Variants in TTC27 observed in about 807,000 individuals in gnomAD.
TTC27 encodes the protein tetratricopeptide repeat domain 27.
Under a neutral mutation model 115.9 loss-of-function variants are expected in TTC27, and 79 were observed. The observed-to-expected ratio is 0.68, with a 90% CI of 0.57 to 0.82. TTC27 has a LOEUF of 0.82. TTC27 is among the 40% of genes least tolerant of loss of function. TTC27 has a pLI of 0.00. For missense variants in TTC27, 1,054 were observed against 993.1 expected (o/e 1.06, Z -0.82); for synonymous variants, 401 against 356.0 (o/e 1.13, Z -1.42).
intron 16 of TTC27, among the ~76,000 whole-genome samples, chr2:32,797,132 C>T (rs1464118765): frequency 6.8e-6 from 1 of 148,120 alleles, no homozygotes; most frequent in African/African-American, 2.5e-5. Flanking sequence ...CGAGATTGTG[C>T]CACTGCATTC....
rs555550120 is a variant in TTC27, at chr2:32,766,899, C to T, written c.1680+8380C>T. Among the ~76,000 whole-genome samples, 159 of 152,258 alleles carry T rather than the reference C, an allele frequency of 1.0e-3. 1 individual carries two copies. In the South Asian group the frequency reaches 0.018, roughly 17 times the overall value. ...CTCCCGGGTTCAAGCAATCCTGCTG[C>T]GTCAGCCACCTGAGAAGCTGGGACT... On this transcript the variant is annotated intron_variant, in intron 13 of 19. Transcript: ENST00000317907.
intron 12 of TTC27, among the ~76,000 whole-genome samples, chr2:32,752,205 G>A (rs76810765): frequency 1.3e-5 from 2 of 152,094 alleles, no homozygotes; most frequent in African/African-American, 2.4e-5. Context: ...CAGCTTACAC[G>A]GAACATCTAC....
chr2:32,728,439 A>T (rs1668184470), intron 10 of TTC27, among the ~76,000 whole-genome samples: 1 of 151,294 alleles, frequency 6.6e-6, no homozygotes, highest in East Asian at 2.0e-4. Context: ...CTACCAACCC[A>T]TACCCTAAAG....
intron 9 of TTC27, among the ~76,000 whole-genome samples, chr2:32,690,793 A>G (rs1238181802): frequency 4.6e-5 from 7 of 152,228 alleles, no homozygotes; most frequent in African/African-American, 1.4e-4. Context: ...TTGGAATTTT[A>G]AACTTACTGT....
intron 9 of TTC27, among the ~76,000 whole-genome samples, chr2:32,697,107 A>C (rs1213649440): frequency 1.3e-5 from 2 of 151,812 alleles, no homozygotes; most frequent in African/African-American, 4.8e-5. Flanking sequence ...CAGGAGAATC[A>C]CTTGAGCCTG....
intron 9 of TTC27, among the ~76,000 whole-genome samples, chr2:32,695,952 TAAAC>T (rs1212323380): frequency 6.7e-5 from 10 of 149,572 alleles, no homozygotes; most frequent in Admixed American, 2.0e-4. Context: ...TAAAAATAAA[TAAAC>T]AAATAAAAAT....
At chr2:32,799,689 T>A (rs1307404594) in intron 16 of TTC27, among the ~76,000 whole-genome samples, 2 of 152,092 alleles carry the variant, frequency 1.3e-5, no homozygotes, top group African/African-American at 4.8e-5. Context: ...GCTAATAATA[T>A]CCTTATTATA....
intron 9 of TTC27, among the ~76,000 whole-genome samples, chr2:32,690,260 A>G (rs1016803233): frequency 2.6e-5 from 4 of 152,154 alleles, no homozygotes; most frequent in Admixed American, 6.6e-5. Flanking sequence ...CCTATATGAA[A>G]ATTTGCATAG....
chr2:32,730,091 A>C (rs147706387), intron 10 of TTC27, among the ~76,000 whole-genome samples: 39 of 152,328 alleles, frequency 2.6e-4, no homozygotes, highest in African/African-American at 6.0e-4. Context: ...CTTCACGTGC[A>C]TTCAGTCCCA....
At chr2:32,649,687 A>T (rs186852402) in intron 4 of TTC27, among the ~76,000 whole-genome samples, 1 of 152,064 alleles carries the variant, frequency 6.6e-6, no homozygotes, top group East Asian at 1.9e-4. Context: ...CTGGGACTAC[A>T]GGCGCCTGCC....
At chr2:32,675,622 A>G (rs1666168856) in intron 8 of TTC27, among the ~76,000 whole-genome samples, 1 of 152,140 alleles carries the variant, frequency 6.6e-6, no homozygotes, top group African/African-American at 2.4e-5. Flanking sequence ...TAATGAATTT[A>G]TGATTTGCAT....
intron 13 of TTC27, among the ~76,000 whole-genome samples, chr2:32,762,934 T>G (rs1444390764): frequency 6.6e-6 from 1 of 152,132 alleles, no homozygotes; most frequent in Non-Finnish European, 1.5e-5. Context: ...GCCACCGCGC[T>G]CAGCCCAATA....
At position 32,734,012 on chromosome 2, in the gene TTC27, G is replaced by T. The variant is rs1028681501; in HGVS notation, c.1329+89G>T. On this transcript the variant is annotated intron_variant, in intron 11 of 19. Transcript: ENST00000317907. ...AAATTGATGATTTTAATTTATGTTT[G>T]AATTTTCAAATATTTTGCTAAAGAT... 3 of 887,146 alleles carry T rather than the reference G, an allele frequency of 3.4e-6. No individual in the cohort carries two copies. In the African/African-American group the frequency reaches 5.1e-5, roughly 15 times the overall value. 55.0% of individuals were successfully genotyped at this position (887,146 alleles called of 1,614,324 possible). A position where few individuals can be genotyped will look rare whatever the true frequency, so the allele number is the denominator to read the frequency against.
chr2:32,818,062 A>T (rs1671566234), intron 19 of TTC27, among the ~76,000 whole-genome samples: 1 of 152,098 alleles, frequency 6.6e-6, no homozygotes, highest in Non-Finnish European at 1.5e-5. Flanking sequence ...ATGTCCCAAA[A>T]AAAAAAAAAG....
chr2:32,728,024 G>A (rs1668165423), intron 10 of TTC27, among the ~76,000 whole-genome samples: 1 of 149,424 alleles, frequency 6.7e-6, no homozygotes, highest in Non-Finnish European at 1.5e-5. Context: ...TGGGCCTCCT[G>A]AGAGGACTGC....
intron 6 of TTC27, 89 bp from the exon 7 acceptor site, chr2:32,666,546 C>A: frequency 7.2e-7 from 1 of 1,381,574 alleles, no homozygotes; most frequent in Non-Finnish European, 9.7e-7. Flanking sequence ...ACCTTGTAAA[C>A]TCTAAAGCAC....
rs1422139396 is a variant in TTC27, at chr2:32,811,197, T to A, written c.2172T>A (p.Ser724Arg). The A allele has an allele frequency of 1.2e-6, 2 of 1,613,764 alleles. No homozygotes were observed. The highest frequency in any genetic ancestry group is 1.7e-6 in the Non-Finnish European group (2 of 1,179,862). Residue 724 changes from serine (S) to arginine (R), a missense_variant, in exon 17 of 20, where the codon AGT becomes AGA. By Grantham distance (110) the Ser-to-Arg change is moderately radical. Coordinates refer to ENST00000317907, the MANE Select transcript of TTC27 (RefSeq NM_017735.5). Reference sequence around the variant, plus strand: ...CCCACGTATATGGAAATGGGCAGAGTGAAAAGCCTGATGAAAATGAAAAGG... The same window carrying A: ...CCCACGTATATGGAAATGGGCAGAGAGAAAAGCCTGATGAAAATGAAAAGG... ...LYAHVYGNGQ[S>R]EKPDENEKAF...
chr2:32,673,937 A>T (rs546436778), intron 8 of TTC27, among the ~76,000 whole-genome samples: 1 of 152,230 alleles, frequency 6.6e-6, no homozygotes, highest in South Asian at 2.1e-4. Flanking sequence ...GTGAGCTGAG[A>T]TCACGCCACT....
At chr2:32,762,276 A>AGTGTGTGTGTGTGTGTGT (rs10523103) in intron 13 of TTC27, among the ~76,000 whole-genome samples, 1 of 136,236 alleles carries the variant, frequency 7.3e-6, no homozygotes, top group Non-Finnish European at 1.6e-5. Flanking sequence ...CACAGAGAGA[A>AGTGTGTGTGTGTGTGTGT]GTGTGTGTGT....
Sources: gnomAD v4.1 joint callset for allele counts (sites outside exome capture counted in the v4.1 genomes callset) on GRCh38, gnomAD v4.1.1 for gene constraint, MANE v1.5 for transcripts, NCBI Gene and HGNC (gene_info 2026-07-23, HGNC 2026-07-21) for gene names.